LRRTM4: variants seen among roughly 807,000 people sequenced by gnomAD.
The protein encoded by LRRTM4 is leucine rich repeat transmembrane neuronal 4, also known as leucine-rich repeat transmembrane neuronal protein 4.
LRRTM4 carries 25 observed loss-of-function variants against 47.6 expected under a neutral mutation model. The observed-to-expected ratio is 0.53, with a 90% confidence interval of 0.38 to 0.73. The LOEUF is 0.73. Ranked by LOEUF, LRRTM4 falls within the 30% of genes least tolerant of loss-of-function variation. The probability of loss-of-function intolerance (pLI) is 0.00; values close to 1 mark genes in which losing one functional copy is unlikely to be tolerated. For synonymous variants in LRRTM4, 311 were observed against 269.5 expected (o/e 1.15, Z -1.51); for missense variants, 638 against 713.4 (o/e 0.89, Z 1.20).
intron 3 of LRRTM4, among the ~76,000 whole-genome samples, chr2:76,908,112 G>A (rs1357510345): frequency 1.1e-4 from 17 of 150,890 alleles, no homozygotes; most frequent in South Asian, 4.2e-4. Flanking sequence ...CTGGCAAACC[G>A]AATCCAGCAG....
chr2:77,361,181 C>T (rs377625943), intron 3 of LRRTM4, among the ~76,000 whole-genome samples: 171 of 151,810 alleles, frequency 1.1e-3, no homozygotes, highest in African/African-American at 3.8e-3. Flanking sequence ...TTTCTCAATT[C>T]TCATGTGTTT....
chr2:77,362,115 G>GAAAGAAAGAA (rs1332592144), intron 3 of LRRTM4, among the ~76,000 whole-genome samples: 3 of 98,778 alleles, frequency 3.0e-5, no homozygotes, highest in Admixed American at 1.1e-4. Context: ...GAAAGAAAGA[G>GAAAGAAAGAA]AGAAAGAAAG....
intron 3 of LRRTM4, among the ~76,000 whole-genome samples, chr2:77,249,693 C>T (rs1675550588): frequency 6.6e-6 from 1 of 152,170 alleles, no homozygotes; most frequent in African/African-American, 2.4e-5. Context: ...TGTGGTGGAA[C>T]AGTAACTCTC....
At chr2:77,333,767 C>G (rs1041959685) in intron 3 of LRRTM4, among the ~76,000 whole-genome samples, 3 of 152,098 alleles carry the variant, frequency 2.0e-5, no homozygotes, top group Non-Finnish European at 2.9e-5. Flanking sequence ...GAGGCACCAC[C>G]TAGGAAAGCT....
intron 3 of LRRTM4, among the ~76,000 whole-genome samples, chr2:76,807,587 CTTTAT>C (rs767273896): frequency 1.3e-4 from 19 of 148,644 alleles, no homozygotes; most frequent in Admixed American, 4.7e-4. Context: ...TTCATTATTT[CTTTAT>C]TTTATTATTA....
chr2:76,943,640 C>T (rs142548797), intron 3 of LRRTM4, among the ~76,000 whole-genome samples: 592 of 152,224 alleles, frequency 3.9e-3, no homozygotes, highest in Middle Eastern at 6.8e-3. Flanking sequence ...GCTTCAGACT[C>T]CTATATCCTA....
chr2:77,045,263 T>C (rs1573494009), intron 3 of LRRTM4, among the ~76,000 whole-genome samples: 1 of 151,906 alleles, frequency 6.6e-6, no homozygotes, highest in East Asian at 1.9e-4. Flanking sequence ...TAGAGAAAAA[T>C]CTCACAACAA....
intron 3 of LRRTM4, among the ~76,000 whole-genome samples, chr2:77,447,402 A>T (rs1208560851): frequency 6.6e-6 from 1 of 152,124 alleles, no homozygotes; most frequent in East Asian, 1.9e-4. Flanking sequence ...CACATGCAGA[A>T]AACTGTATCC....
In LRRTM4 at chr2:76,852,569, C is replaced by A. The variant is rs142570647; in HGVS notation, c.1552-103653G>T. On this transcript the variant is annotated intron_variant, in intron 3 of 3. Transcript: ENST00000409884. ...CTTATGTTATTATTTATTAAATTAG[C>A]ATTTGTCTATACATTCCTTTTTATA... 1.8e-3 allele frequency among the ~76,000 whole-genome samples: 268 copies of A among 152,224 alleles called. 1 individual carries two copies. Among genetic ancestry groups the A allele is most frequent in the African/African-American group, 6.3e-3 (263 of 41,552 alleles).
At chr2:77,255,193 A>G (rs992820922) in intron 3 of LRRTM4, among the ~76,000 whole-genome samples, 1 of 152,050 alleles carries the variant, frequency 6.6e-6, no homozygotes, top group Non-Finnish European at 1.5e-5. Context: ...GTCATTACAT[A>G]GCGATAAAAG....
chr2:77,354,443 A>G (rs1449647470), intron 3 of LRRTM4, among the ~76,000 whole-genome samples: 1 of 152,054 alleles, frequency 6.6e-6, no homozygotes, highest in African/African-American at 2.4e-5. Flanking sequence ...GGGGGTGGGT[A>G]ATGCTTCAGC....
chr2:77,316,723 T>A (rs928251049), intron 3 of LRRTM4, among the ~76,000 whole-genome samples: 3 of 152,078 alleles, frequency 2.0e-5, no homozygotes, highest in Admixed American at 1.3e-4. Flanking sequence ...TTTTTGGATA[T>A]TTTGTAGAGA....
intron 3 of LRRTM4, among the ~76,000 whole-genome samples, chr2:76,816,877 T>C (rs1342351861): frequency 1.5e-5 from 2 of 137,774 alleles, no homozygotes; most frequent in East Asian, 4.2e-4. Flanking sequence ...CTTAAGAACA[T>C]GCTTTCTCAT....
At chr2:76,898,351 A>T (rs1673494879) in intron 3 of LRRTM4, among the ~76,000 whole-genome samples, 1 of 148,288 alleles carries the variant, frequency 6.7e-6, no homozygotes, top group South Asian at 2.1e-4. Flanking sequence ...TTGAAAGGTA[A>T]AAAACAGCAA....
chr2:77,181,776 G>A (rs965420549), intron 3 of LRRTM4, among the ~76,000 whole-genome samples: 1 of 151,910 alleles, frequency 6.6e-6, no homozygotes, highest in Non-Finnish European at 1.5e-5. Context: ...GGGGAGGAAA[G>A]GCAATTTAAC....
At chr2:77,267,104 C>T (rs545485987) in intron 3 of LRRTM4, among the ~76,000 whole-genome samples, 263 of 152,218 alleles carry the variant, frequency 1.7e-3, no homozygotes, top group Non-Finnish European at 2.6e-3. Flanking sequence ...TTCCAATAAG[C>T]TTTTTAGTGC....
At chr2:76,801,197 A>G (rs894021015) in intron 3 of LRRTM4, among the ~76,000 whole-genome samples, 10 of 152,178 alleles carry the variant, frequency 6.6e-5, no homozygotes, top group African/African-American at 2.2e-4. Flanking sequence ...CATTGCTGCT[A>G]TAAAGACACA....
chr2:77,088,907 C>A (rs1262282213), intron 3 of LRRTM4, among the ~76,000 whole-genome samples: 1 of 152,148 alleles, frequency 6.6e-6, no homozygotes, highest in Non-Finnish European at 1.5e-5. Flanking sequence ...CACCACACTT[C>A]AATCTCTCCC....
In LRRTM4 at chr2:77,483,118, C is replaced by CAAAAAAA. The variant is rs776265725; in HGVS notation, c.1551+35193_1551+35199dup. Among the ~76,000 whole-genome samples the CAAAAAAA allele has an allele frequency of 3.5e-3, 211 of 60,588 alleles. 29 individuals are homozygous for CAAAAAAA. The highest frequency in any genetic ancestry group is 0.024 in the East Asian group (26 of 1,086). The allele number at this position is 60,588 out of a possible 152,430, so 39.7% of individuals were successfully genotyped here. A position where few individuals can be genotyped will look rare whatever the true frequency, so the allele number is the denominator to read the frequency against. ...CCTAGGAGGCAGAGCAAGACTGTCT[C>CAAAAAAA]AAAAAAAAAAAAAAAAAAAAAAAAA... On this transcript the variant is annotated intron_variant, in intron 3 of 3. Coordinates refer to ENST00000409884, the MANE Select transcript of LRRTM4 (RefSeq NM_001134745.3).
Sources: gnomAD v4.1 joint callset for allele counts (sites outside exome capture counted in the v4.1 genomes callset) on GRCh38, gnomAD v4.1.1 for gene constraint, MANE v1.5 for transcripts, NCBI Gene and HGNC (gene_info 2026-07-23, HGNC 2026-07-21) for gene names.